Variants in SUFU observed in about 807,000 individuals in gnomAD.
SUFU encodes the protein suppressor of fused homolog.
A neutral mutation model predicts 58.9 loss-of-function variants in SUFU; 7 were observed. The ratio of observed to expected loss-of-function variants is 0.12; its 90% CI spans 0.07 to 0.22. The LOEUF is 0.22. Ranked by LOEUF, SUFU falls within the 10% of genes least tolerant of loss-of-function variation. The pLI is 1.00. For missense variants in SUFU, 451 were observed against 641.3 expected (o/e 0.70, Z 3.20); for synonymous variants, 232 against 254.8 (o/e 0.91, Z 0.85).
Position 102,597,188 on chromosome 10 carries a change from G to A in SUFU, c.805G>A (p.Val269Ile). 6.2e-7 allele frequency: 1 copy of A among 1,614,044 alleles called. No homozygotes were observed. The highest frequency in any genetic ancestry group is 8.5e-7 in the Non-Finnish European group (1 of 1,180,008). ...GACAGATGGCTCCAACCTGAGTGGT[G>A]TCAGTGCCAAGTGTGCCTGGGATGA... ...IETDGSNLSG[V>I]SAKCAWDDLS... Residue 269 changes from valine to isoleucine, a missense_variant, in exon 7 of 12, where the codon GTC becomes ATC. Physicochemically the swap from Val to Ile is conservative, Grantham distance 29 (BLOSUM62 3). Transcript: ENST00000369902.
At chr10:102,605,007 C>T (rs1290571235) in intron 8 of SUFU, among the ~76,000 whole-genome samples, 1 of 144,674 alleles carries the variant, frequency 6.9e-6, no homozygotes, top group Non-Finnish European at 1.5e-5. Context: ...TCTCGGCTTA[C>T]TGCAACCCCT....
At chr10:102,504,689 C>A (rs1432435213) in intron 1 of SUFU, among the ~76,000 whole-genome samples, 2 of 137,532 alleles carry the variant, frequency 1.5e-5, no homozygotes, top group Admixed American at 1.5e-4. Context: ...CAAGCGGGGG[C>A]GGCCGAAGTG....
rs2063853208 is a variant in SUFU at position 102,633,298 on chromosome 10, T to G, written c.*3143T>G. 4.3e-6 allele frequency: 1 copy of G among 233,116 alleles called. No homozygotes were observed. The highest frequency in any genetic ancestry group is 8.5e-6 in the Non-Finnish European group (1 of 117,786). 14.4% of individuals were successfully genotyped at this position (233,116 alleles called of 1,614,324 possible). On this transcript the variant is annotated 3_prime_UTR_variant, in exon 12 of 12. Coordinates refer to ENST00000369902, the MANE Select transcript of SUFU (RefSeq NM_016169.4). ...TGCGACAAGCAGATTTTTGTAAAAT[T>G]TTATATTAGTTTTTAATGTCAGTGG... is the stretch of plus-strand genomic sequence containing the variant.
intron 3 of SUFU, among the ~76,000 whole-genome samples, chr10:102,551,940 C>T (rs368944804): frequency 4.6e-5 from 7 of 151,394 alleles, no homozygotes; most frequent in South Asian, 2.1e-4. Flanking sequence ...TTAGCCAGGA[C>T]GGTCTCGATC....
At position 102,561,376 on chromosome 10, in the gene SUFU, T is replaced by C. The variant is rs185410075; in HGVS notation, c.454+11270T>C. ...ATATAAAAGTGGTTGTTTTTGTTTGTGTGTTTTGTTTGAGACAGAGTCTCG... is the reference window on the plus strand; with the variant it reads ...ATATAAAAGTGGTTGTTTTTGTTTGCGTGTTTTGTTTGAGACAGAGTCTCG... On this transcript the variant is annotated intron_variant, in intron 3 of 11. Coordinates refer to ENST00000369902, the MANE Select transcript of SUFU (RefSeq NM_016169.4). 5.4e-3 allele frequency among the ~76,000 whole-genome samples: 822 copies of C among 152,286 alleles called. 4 individuals are homozygous for C. The highest frequency in any genetic ancestry group is 7.3e-3 in the Non-Finnish European group (495 of 68,020).
chr10:102,524,219 TG>T (rs2062582331), intron 2 of SUFU, among the ~76,000 whole-genome samples: 1 of 152,146 alleles, frequency 6.6e-6, no homozygotes, highest in African/African-American at 2.4e-5. Context: ...TTACCCAGGC[TG>T]GTCTCGGACT....
At chr10:102,593,612 T>C (rs748990007) in intron 4 of SUFU, 24 bp from the exon 5 acceptor site, 5 of 1,613,740 alleles carry the variant, frequency 3.1e-6, no homozygotes, top group Non-Finnish European at 3.4e-6. Context: ...TAACACACAA[T>C]GGGCTTTCTA....
intron 3 of SUFU, among the ~76,000 whole-genome samples, chr10:102,560,689 C>T (rs536347652): frequency 2.6e-4 from 39 of 152,310 alleles, no homozygotes; most frequent in South Asian, 4.1e-4. Flanking sequence ...TTCTTTTTAA[C>T]GCGACACTTT....
intron 1 of SUFU, 27 bp from the exon 2 acceptor site, chr10:102,509,142 A>G (rs1316316243): frequency 6.2e-7 from 1 of 1,613,376 alleles, no homozygotes; most frequent in Non-Finnish European, 8.5e-7. Context: ...GGCTTACACT[A>G]ACACCCCTGT....
At chr10:102,504,698 T>G (rs1589970798) in intron 1 of SUFU, among the ~76,000 whole-genome samples, 1 of 135,706 alleles carries the variant, frequency 7.4e-6, no homozygotes, top group Non-Finnish European at 1.6e-5. Context: ...GCGGCCGAAG[T>G]GGGATGGGAG....
chr10:102,608,274 G>C (rs149505357), intron 8 of SUFU, among the ~76,000 whole-genome samples: 1 of 152,060 alleles, frequency 6.6e-6, no homozygotes, highest in African/African-American at 2.4e-5. Context: ...ATCTACAGAG[G>C]TGACAGTTGT....
chr10:102,562,556 A>C (rs1405250882), intron 3 of SUFU, among the ~76,000 whole-genome samples: 1 of 151,614 alleles, frequency 6.6e-6, no homozygotes, highest in African/African-American at 2.4e-5. Flanking sequence ...CAACAGCAAC[A>C]ACAAAACTTG....
At chr10:102,593,777 C>T (rs1322315657) in intron 5 of SUFU, 56 bp downstream of exon 5, 2 of 1,545,342 alleles carry the variant, frequency 1.3e-6, no homozygotes, top group African/African-American at 1.4e-5. Flanking sequence ...GTGGGAGTCC[C>T]TCCACTACCC....
chr10:102,547,212 T>C (rs1235965543), intron 2 of SUFU, among the ~76,000 whole-genome samples: 1 of 152,202 alleles, frequency 6.6e-6, no homozygotes, highest in African/African-American at 2.4e-5. Flanking sequence ...TTTGCCCTAC[T>C]GACCCATCTC....
At chr10:102,518,149 C>T (rs1203837097) in intron 2 of SUFU, among the ~76,000 whole-genome samples, 1 of 152,134 alleles carries the variant, frequency 6.6e-6, no homozygotes, top group Non-Finnish European at 1.5e-5. Context: ...TTGTATAAGG[C>T]ACTTTTCTAA....
At chr10:102,551,373 C>T (rs959744623) in intron 3 of SUFU, among the ~76,000 whole-genome samples, 2 of 152,168 alleles carry the variant, frequency 1.3e-5, no homozygotes, top group East Asian at 1.9e-4. Context: ...CACAGTGGCT[C>T]ACGCCTGTAA....
intron 3 of SUFU, chr10:102,573,034 GGTC>G: frequency 1.1e-6 from 1 of 938,100 alleles, no homozygotes; most frequent in Non-Finnish European, 1.7e-6. Context: ...CTCCGGGGTT[GGTC>G]TTCTGAGGGT....
intron 2 of SUFU, among the ~76,000 whole-genome samples, chr10:102,546,270 A>G (rs2062853708): frequency 1.3e-5 from 2 of 152,158 alleles, no homozygotes; most frequent in African/African-American, 2.4e-5. Context: ...GCAGGAAACA[A>G]TCTTGAGAGT....
rs540424508 is a variant in SUFU at position 102,560,915 on chromosome 10, G to A, written c.454+10809G>A. Among the ~76,000 whole-genome samples, 6 of 152,070 alleles carry A rather than the reference G, an allele frequency of 3.9e-5. No individual in the cohort carries two copies. The East Asian group carries it at 9.7e-4, about 25-fold the overall frequency. On this transcript the variant is annotated intron_variant, in intron 3 of 11. Transcript: ENST00000369902. Reference sequence around the variant, plus strand: ...TGCAATGGCGCGATCTCGGCTCACCGCATCCTCCGCCTCCCAGGTTCTCCT... The same window carrying A: ...TGCAATGGCGCGATCTCGGCTCACCACATCCTCCGCCTCCCAGGTTCTCCT...
Sources: allele counts gnomAD v4.1 joint callset (sites outside exome capture counted in the v4.1 genomes callset), GRCh38; gene constraint gnomAD v4.1.1; transcripts MANE v1.5; gene names NCBI Gene and HGNC (gene_info 2026-07-23, HGNC 2026-07-21).